TNFSF4: variants seen among roughly 807,000 people sequenced by gnomAD.
TNFSF4 encodes the protein tumor necrosis factor ligand superfamily member 4.
In TNFSF4, 4 loss-of-function variants were observed where a neutral mutation model predicts 7.3. That is an observed-to-expected ratio of 0.55 (90% confidence interval 0.27 to 1.25). The LOEUF (loss-of-function observed/expected upper bound fraction) is 1.25. Ranked by LOEUF, TNFSF4 falls within the 50% of genes most tolerant of loss-of-function variation. The probability of loss-of-function intolerance (pLI) is 0.12; values close to 1 mark genes in which losing one functional copy is unlikely to be tolerated. For missense variants in TNFSF4, 181 were observed against 208.8 expected (o/e 0.87, Z 0.82); for synonymous variants, 76 against 83.7 (o/e 0.91, Z 0.50).
the TNFSF4 span, among the ~76,000 whole-genome samples, chr1:173,314,266 T>C: frequency 6.6e-6 from 1 of 152,142 alleles, no homozygotes. Flanking sequence ...CTAAGAACAA[T>C]TGTATACATT....
Position 173,207,256 on chromosome 1 carries a change from A to T in TNFSF4, c.-80T>A, listed in dbSNP as rs1343110736. On this transcript the variant is annotated 5_prime_UTR_variant, in exon 1 of 3. Transcript: ENST00000281834. ...AAAACTGAAGTTTTCCCCAGAAAGA[A>T]GGAGGTAAAGACAAAACAAAGCCTA... The T allele has an allele frequency of 3.5e-6, 5 of 1,411,636 alleles. No individual in the cohort carries two copies. The highest frequency in any genetic ancestry group is 4.9e-6 in the Non-Finnish European group (5 of 1,021,242). 87.4% of individuals were successfully genotyped at this position (1,411,636 alleles called of 1,614,324 possible). A position where few individuals can be genotyped will look rare whatever the true frequency, so the allele number is the denominator to read the frequency against.
chr1:173,186,403 C>G lies in TNFSF4; in HGVS notation c.*113G>C. ...GGCCAGGATCTGCTTCTTGTCACAT[C>G]CCACGTGGCTGAGCTGGGAGGCTCC... On this transcript the variant is annotated 3_prime_UTR_variant, in exon 3 of 3. Coordinates refer to ENST00000281834, the MANE Select transcript of TNFSF4 (RefSeq NM_003326.5). The G allele has an allele frequency of 1.2e-6, 1 of 828,004 alleles. No homozygotes were observed. The highest frequency in any genetic ancestry group is 1.9e-6 in the Non-Finnish European group (1 of 534,548). The allele number at this position is 828,004 out of a possible 1,614,324, so 51.3% of individuals were successfully genotyped here.
the TNFSF4 span, among the ~76,000 whole-genome samples, chr1:173,436,361 C>T: frequency 6.6e-6 from 1 of 152,190 alleles, no homozygotes; most frequent in Non-Finnish European, 1.5e-5. Flanking sequence ...ACCTAAAGGG[C>T]TAAGGTCTTA....
chr1:173,260,139 C>A, the TNFSF4 span, among the ~76,000 whole-genome samples: 1 of 152,120 alleles, frequency 6.6e-6, no homozygotes, highest in Non-Finnish European at 1.5e-5. Flanking sequence ...TAACAGCAGA[C>A]CTCTCAGTGG....
At chr1:173,357,652 C>T in the TNFSF4 span, among the ~76,000 whole-genome samples, 1 of 152,200 alleles carries the variant, frequency 6.6e-6, no homozygotes, top group African/African-American at 2.4e-5. Flanking sequence ...CTGCCTCAGC[C>T]TCCCGAGTAG....
chr1:173,243,158 TAACTA>T, the TNFSF4 span, among the ~76,000 whole-genome samples: 5 of 152,130 alleles, frequency 3.3e-5, no homozygotes, highest in Non-Finnish European at 7.4e-5. Context: ...TAGTTCCCCT[TAACTA>T]CTCTATAGAC....
the TNFSF4 span, among the ~76,000 whole-genome samples, chr1:173,424,102 C>A: frequency 6.6e-6 from 1 of 152,244 alleles, no homozygotes; most frequent in Admixed American, 6.5e-5. Flanking sequence ...TCCAGGAAGG[C>A]TCTGCTCTCA....
the TNFSF4 span, among the ~76,000 whole-genome samples, chr1:173,415,217 A>T: frequency 6.6e-6 from 1 of 152,182 alleles, no homozygotes; most frequent in Non-Finnish European, 1.5e-5. Context: ...TTTCTTTAAC[A>T]GTTTATTAGG....
chr1:173,253,071 T>G, the TNFSF4 span, among the ~76,000 whole-genome samples: 170 of 152,330 alleles, frequency 1.1e-3, 1 homozygote, highest in African/African-American at 4.0e-3. Flanking sequence ...TTACCAGAAT[T>G]TTTGGCTGAC....
At chr1:173,339,358 G>C in the TNFSF4 span, among the ~76,000 whole-genome samples, 1 of 151,968 alleles carries the variant, frequency 6.6e-6, no homozygotes, top group African/African-American at 2.4e-5. Flanking sequence ...CTCCAGCCTG[G>C]GTAACAGAAG....
At chr1:173,371,735 C>T in the TNFSF4 span, among the ~76,000 whole-genome samples, 26 of 152,180 alleles carry the variant, frequency 1.7e-4, no homozygotes. Flanking sequence ...CAGCTGTACC[C>T]AACCCCTATA....
chr1:173,362,086 T>C, the TNFSF4 span, among the ~76,000 whole-genome samples: 2 of 152,244 alleles, frequency 1.3e-5, no homozygotes, highest in African/African-American at 4.8e-5. Flanking sequence ...TTAATTTCTA[T>C]GTAAGCATGA....
chr1:173,427,033 G>A, the TNFSF4 span, among the ~76,000 whole-genome samples: 1 of 152,122 alleles, frequency 6.6e-6, no homozygotes, highest in Non-Finnish European at 1.5e-5. Context: ...TTTTAGCCCT[G>A]TGAAACCCAA....
the TNFSF4 span, among the ~76,000 whole-genome samples, chr1:173,310,277 C>T: frequency 0.33 from 50,801 of 151,696 alleles, 8,883 homozygotes; most frequent in African/African-American, 0.4. Flanking sequence ...ACTGTATGTA[C>T]TTAAGGGCAA....
At chr1:173,422,045 C>G in the TNFSF4 span, among the ~76,000 whole-genome samples, 2 of 151,908 alleles carry the variant, frequency 1.3e-5, no homozygotes, top group African/African-American at 4.8e-5. Flanking sequence ...CACAGCTATA[C>G]GAGAACACCT....
the TNFSF4 span, among the ~76,000 whole-genome samples, chr1:173,441,741 T>G: frequency 6.6e-6 from 1 of 152,208 alleles, no homozygotes; most frequent in African/African-American, 2.4e-5. Context: ...GGGAATTTAT[T>G]TGTGTATAGG....
chr1:173,238,556 T>C, the TNFSF4 span, among the ~76,000 whole-genome samples: 1 of 151,772 alleles, frequency 6.6e-6, no homozygotes, highest in African/African-American at 2.4e-5. Context: ...TAAACAAACA[T>C]ACAAGCAAAA....
At chr1:173,190,864 T>C (rs1181438503) in intron 1 of TNFSF4, among the ~76,000 whole-genome samples, 1 of 152,236 alleles carries the variant, frequency 6.6e-6, no homozygotes, top group Admixed American at 6.5e-5. Context: ...TGTGCCAACT[T>C]AAGCAAGTTT....
chr1:173,416,140 G>T, the TNFSF4 span, among the ~76,000 whole-genome samples: 1 of 152,156 alleles, frequency 6.6e-6, no homozygotes, highest in Non-Finnish European at 1.5e-5. Flanking sequence ...GTCTCTAAAG[G>T]CAGGGTCTGT....
Sources: allele counts gnomAD v4.1 joint callset (sites outside exome capture counted in the v4.1 genomes callset), GRCh38; gene constraint gnomAD v4.1.1; transcripts MANE v1.5; gene names NCBI Gene and HGNC (gene_info 2026-07-23, HGNC 2026-07-21).